SNX31: variants seen among roughly 807,000 people sequenced by gnomAD.
SNX31 encodes sorting nexin-31.
Under a neutral mutation model 65.4 loss-of-function variants are expected in SNX31, and 58 were observed. The ratio of observed to expected loss-of-function variants is 0.89; its 90% CI spans 0.72 to 1.10. SNX31 has a LOEUF of 1.10. SNX31 is among the 50% of genes least tolerant of loss of function. The pLI is 0.00. For missense variants in SNX31, 523 were observed against 529.7 expected, an observed-to-expected ratio of 0.99 and a Z score of 0.12; for synonymous variants, 181 against 190.1, an observed-to-expected ratio of 0.95 and a Z score of 0.39.
rs551888196 is a variant in SNX31 at position 100,647,237 on chromosome 8, C to T, written c.141+2037G>A. Among the ~76,000 whole-genome samples, 34 of 152,184 alleles carry T rather than the reference C, an allele frequency of 2.2e-4. No individual in the cohort carries two copies. In the South Asian group the frequency reaches 6.5e-3, roughly 29 times the overall value. ...ACTAGACAAAGAAATTTCCATTTTACTATTTTGAGAAATCTGGGATAAATA... is the reference window on the plus strand; with the variant it reads ...ACTAGACAAAGAAATTTCCATTTTATTATTTTGAGAAATCTGGGATAAATA... On this transcript the variant is annotated intron_variant, in intron 2 of 13. Coordinates refer to ENST00000311812, the MANE Select transcript of SNX31 (RefSeq NM_152628.4).
At chr8:100,631,293 C>A (rs1012205688) in intron 3 of SNX31, among the ~76,000 whole-genome samples, 3 of 152,154 alleles carry the variant, frequency 2.0e-5, no homozygotes, top group Non-Finnish European at 2.9e-5. Context: ...ACTGCAAACC[C>A]ACAAGGTATG....
chr8:100,649,225 C>G (rs1819857981), intron 2 of SNX31, 49 bp downstream of exon 2: 1 of 1,574,074 alleles, frequency 6.4e-7, no homozygotes, highest in Non-Finnish European at 8.7e-7. Flanking sequence ...GGACAGCTTT[C>G]TCCACCTGTC....
chr8:100,611,093 G>C (rs1056005878), intron 7 of SNX31, among the ~76,000 whole-genome samples: 3 of 152,154 alleles, frequency 2.0e-5, no homozygotes, highest in African/African-American at 7.2e-5. Context: ...TCTGCAGAGG[G>C]ATACTTGTGT....
At position 100,575,730 on chromosome 8, in the gene SNX31, C is replaced by T. The variant is rs1812997442; in HGVS notation, c.1227+1289G>A. Among the ~76,000 whole-genome samples the T allele has an allele frequency of 6.6e-6, 1 of 152,160 alleles. No homozygotes were observed. The highest frequency in any genetic ancestry group is 2.1e-4 in the South Asian group (1 of 4,826). The stretch of plus-strand genomic sequence containing the variant: ...ATACAGATGCTGTTGGTCCAGGGAC[C>T]ACACACTGAGAACTGGTGTTCTAGG... On this transcript the variant is annotated intron_variant, in intron 13 of 13. Transcript: ENST00000311812. This position sits in a 1 kb window ranked among gnomAD's most constrained non-coding sequence, Gnocchi z 5.1.
Position 100,599,685 on chromosome 8 carries a change from A to G in SNX31, c.774+664T>C, listed in dbSNP as rs564787914. ...CAGTTGTGAACATTGGCAAAGTCAG[A>G]AGAATTTTTAAAAAGACAACACAAC... On this transcript the variant is annotated intron_variant, in intron 9 of 13. Coordinates refer to ENST00000311812, the MANE Select transcript of SNX31 (RefSeq NM_152628.4). Among the ~76,000 whole-genome samples, 77 of 152,288 alleles carry G rather than the reference A, an allele frequency of 5.1e-4. 1 individual carries two copies. The highest frequency in any genetic ancestry group is 1.8e-3 in the African/African-American group (75 of 41,552).
At chr8:100,618,727 C>T in intron 4 of SNX31, 1 of 236,580 alleles carries the variant, frequency 4.2e-6, no homozygotes, top group Non-Finnish European at 8.2e-6. Flanking sequence ...AAGGCTACAA[C>T]TCAGAAACAG....
At chr8:100,600,205 A>T (rs1815489393) in intron 9 of SNX31, 144 bp downstream of exon 9, 1 of 663,072 alleles carries the variant, frequency 1.5e-6, no homozygotes, top group Non-Finnish European at 2.6e-6. Context: ...TACTCAGAAC[A>T]ATCAATGAAG....
upstream of SNX31, among the ~76,000 whole-genome samples, chr8:100,650,068 C>G (rs1300092522): frequency 6.6e-6 from 1 of 152,126 alleles, no homozygotes; most frequent in Non-Finnish European, 1.5e-5. Flanking sequence ...CAGAAGCCCC[C>G]CCCAAATGGA....
intron 4 of SNX31, among the ~76,000 whole-genome samples, 191 bp from the exon 5 acceptor site, chr8:100,617,921 C>G (rs772137374): frequency 6.6e-6 from 1 of 151,940 alleles, no homozygotes; most frequent in Admixed American, 6.6e-5. Flanking sequence ...CCCACCACCA[C>G]GTCCAGCTAA....
rs1816558658 is a variant in SNX31 at position 100,609,982 on chromosome 8, C to T, written c.612-1419G>A. 6.6e-6 allele frequency among the ~76,000 whole-genome samples: 1 copy of T among 152,198 alleles called. No homozygotes were observed. Among genetic ancestry groups the T allele is most frequent in the African/African-American group, 2.4e-5 (1 of 41,456 alleles). ...CACTGAGGCTTCACCTGCTGGGAAT[C>T]ACTCAGCTTTTGGAGCTAGCCTTCC... On this transcript the variant is annotated intron_variant, in intron 7 of 13. Coordinates refer to ENST00000311812, the MANE Select transcript of SNX31 (RefSeq NM_152628.4). This position sits in a 1 kb window ranked among gnomAD's most constrained non-coding sequence, Gnocchi z 4.9.
rs115474311 is a variant in SNX31 at position 100,603,691 on chromosome 8, C to T, written c.682-3250G>A. On this transcript the variant is annotated intron_variant, in intron 8 of 13. Transcript: ENST00000311812. The stretch of plus-strand genomic sequence containing the variant: ...ACCTCAGATACCTCGGATGATTGGC[C>T]TGCCTTAGCCTCCCAAAGTTCTGGG... 6.9e-3 allele frequency among the ~76,000 whole-genome samples: 1,039 copies of T among 151,514 alleles called. 16 individuals carry two copies. The highest frequency in any genetic ancestry group is 0.024 in the African/African-American group (995 of 41,274).
chr8:100,607,867 G>C (rs777872666), intron 8 of SNX31, among the ~76,000 whole-genome samples: 2 of 152,138 alleles, frequency 1.3e-5, no homozygotes, highest in African/African-American at 2.4e-5. Context: ...TGGTAACCGC[G>C]ATCATTACAG....
rs182373160 is a variant in SNX31 at position 100,628,920 on chromosome 8, T to C, written c.321+1407A>G. ...ATATGGCAGTAGTCCCACAAAATGA[T>C]AGTACCATATTTTTACTGTGCCTTT... is the stretch of plus-strand genomic sequence containing the variant. On this transcript the variant is annotated intron_variant, in intron 4 of 13. Coordinates refer to ENST00000311812, the MANE Select transcript of SNX31 (RefSeq NM_152628.4). Among the ~76,000 whole-genome samples the C allele has an allele frequency of 1.8e-3, 267 of 151,996 alleles. 1 individual carries two copies. The highest frequency in any genetic ancestry group is 3.4e-3 in the Middle Eastern group (1 of 294).
intron 4 of SNX31, chr8:100,618,206 G>A (rs1488181111): frequency 2.8e-6 from 4 of 1,439,444 alleles, no homozygotes; most frequent in Non-Finnish European, 3.7e-6. Flanking sequence ...GTGGGGTATA[G>A]TGGAGGCAAG....
rs185578981 is a variant in SNX31 at position 100,578,297 on chromosome 8, G to A, written c.1171-1222C>T. Among the ~76,000 whole-genome samples, 3 of 152,256 alleles carry A rather than the reference G, an allele frequency of 2.0e-5. No homozygotes were observed. The highest frequency in any genetic ancestry group is 2.1e-4 in the South Asian group (1 of 4,818). Reference sequence around the variant, plus strand: ...GGGAAAGAAAAGAACTGCTATGTGCGTTAGGTACATAACTCAAGCAAGTTG... The same window carrying A: ...GGGAAAGAAAAGAACTGCTATGTGCATTAGGTACATAACTCAAGCAAGTTG... On this transcript the variant is annotated intron_variant, in intron 12 of 13. Coordinates refer to ENST00000311812, the MANE Select transcript of SNX31 (RefSeq NM_152628.4). The surrounding 1 kb of genome is among the most constrained non-coding windows in gnomAD (Gnocchi z 4.7).
chr8:100,581,676 C>A (rs931517617), intron 12 of SNX31, among the ~76,000 whole-genome samples: 1 of 152,062 alleles, frequency 6.6e-6, no homozygotes, highest in Non-Finnish European at 1.5e-5. Context: ...TCGGAACCTG[C>A]CCTGCAAAAT....
chr8:100,603,704 C>T (rs1815868890), intron 8 of SNX31, among the ~76,000 whole-genome samples: 2 of 150,934 alleles, frequency 1.3e-5, no homozygotes, highest in South Asian at 2.1e-4. Flanking sequence ...CCTTAGCCTC[C>T]CAAAGTTCTG....
chr8:100,617,479 C>T (rs1817312718), intron 5 of SNX31, 141 bp downstream of exon 5: 1 of 554,904 alleles, frequency 1.8e-6, no homozygotes, highest in Non-Finnish European at 3.1e-6. Context: ...CCAGCAAATG[C>T]CAGTACCTCT....
intron 10 of SNX31, among the ~76,000 whole-genome samples, chr8:100,590,859 G>A (rs1209668157): frequency 6.6e-6 from 1 of 152,086 alleles, no homozygotes; most frequent in East Asian, 1.9e-4. Flanking sequence ...AACAGATAAC[G>A]CAGTACTGTT....
Sources: allele counts gnomAD v4.1 joint callset (sites outside exome capture counted in the v4.1 genomes callset), GRCh38; gene constraint gnomAD v4.1.1; non-coding constraint Gnocchi (gnomAD v3.1); transcripts MANE v1.5; gene names NCBI Gene and HGNC (gene_info 2026-07-23, HGNC 2026-07-21).